The following IQCB1 variants were observed in gnomAD, a reference collection of about 807,000 sequenced individuals.
The protein encoded by IQCB1 is IQ calmodulin-binding motif-containing protein 1.
In IQCB1, 56 loss-of-function variants were observed where a neutral mutation model predicts 84.4. The ratio of observed to expected loss-of-function variants is 0.66; its 90% CI spans 0.54 to 0.83. The LOEUF is 0.83. Ranked by LOEUF, IQCB1 falls within the 40% of genes least tolerant of loss-of-function variation. The pLI is 0.00. For missense variants in IQCB1, 629 were observed against 682.1 expected, an observed-to-expected ratio of 0.92 and a Z score of 0.87; for synonymous variants, 210 against 234.8, an observed-to-expected ratio of 0.89 and a Z score of 0.96.
chr3:121,804,252 C>T (rs1455078618), intron 7 of IQCB1, among the ~76,000 whole-genome samples: 1 of 152,014 alleles, frequency 6.6e-6, no homozygotes, highest in Non-Finnish European at 1.5e-5. Flanking sequence ...ATACATTCTA[C>T]TTATACATAT....
intron 12 of IQCB1, among the ~76,000 whole-genome samples, chr3:121,784,556 T>C (rs1313001549): frequency 6.6e-6 from 1 of 152,254 alleles, no homozygotes; most frequent in Non-Finnish European, 1.5e-5. Context: ...TTGTATTCTA[T>C]CAAATAGTTT....
chr3:121,821,336 C>A (rs1950266913), intron 5 of IQCB1, among the ~76,000 whole-genome samples: 1 of 152,198 alleles, frequency 6.6e-6, no homozygotes, highest in South Asian at 2.1e-4. Flanking sequence ...TCAAAGATGT[C>A]ATACTTATTC....
At chr3:121,771,028 A>G (rs867012175) in intron 14 of IQCB1, among the ~76,000 whole-genome samples, 39 of 151,864 alleles carry the variant, frequency 2.6e-4, no homozygotes, top group Non-Finnish European at 4.4e-5. Context: ...CTGGAATGCC[A>G]TGGCACGATC....
At chr3:121,784,523 T>A (rs551351291) in intron 12 of IQCB1, among the ~76,000 whole-genome samples, 3 of 152,332 alleles carry the variant, frequency 2.0e-5, no homozygotes, top group East Asian at 3.8e-4. Context: ...ATTAAAAAAA[T>A]TTTTTCCTTA....
chr3:121,832,970 A>G (rs1165858290), intron 2 of IQCB1, among the ~76,000 whole-genome samples: 1 of 152,198 alleles, frequency 6.6e-6, no homozygotes, highest in African/African-American at 2.4e-5. Context: ...TACACAGGGT[A>G]TCTTTTTGGA....
At chr3:121,783,881 T>C (rs1020299196) in intron 12 of IQCB1, among the ~76,000 whole-genome samples, 21 of 152,214 alleles carry the variant, frequency 1.4e-4, no homozygotes, top group African/African-American at 4.8e-4. Flanking sequence ...TTTGGTTGGG[T>C]ATAGAATTCT....
At chr3:121,825,871 C>T (rs1329927183) in intron 5 of IQCB1, among the ~76,000 whole-genome samples, 180 bp downstream of exon 5, 1 of 152,202 alleles carries the variant, frequency 6.6e-6, no homozygotes, top group East Asian at 1.9e-4. Context: ...TGGCAAGCTT[C>T]AGTCAGCATT....
At position 121,801,087 on chromosome 3, in the gene IQCB1, C is replaced by T. The variant is rs573913509; in HGVS notation, c.588-1713G>A. On this transcript the variant is annotated intron_variant, in intron 7 of 14. Coordinates refer to ENST00000310864, the MANE Select transcript of IQCB1 (RefSeq NM_001023570.4). ...CTTTTTCATTTGTCTTTGTGGGCTC[C>T]ACTTCCCCAGTATAACCCTAAAAGG... 5.3e-5 allele frequency among the ~76,000 whole-genome samples: 8 copies of T among 152,044 alleles called. No individual in the cohort carries two copies. In the South Asian group the frequency reaches 1.7e-3, roughly 32 times the overall value.
chr3:121,776,881 T>C (rs942517583), intron 13 of IQCB1, among the ~76,000 whole-genome samples: 4 of 152,262 alleles, frequency 2.6e-5, no homozygotes, highest in Non-Finnish European at 4.4e-5. Flanking sequence ...GTTCTTTCTA[T>C]ATTATGGATA....
At chr3:121,776,845 T>C (rs1050492096) in intron 13 of IQCB1, among the ~76,000 whole-genome samples, 1 of 152,276 alleles carries the variant, frequency 6.6e-6, no homozygotes, top group Non-Finnish European at 1.5e-5. Context: ...CTAGTTCATA[T>C]GTTTTCTTAC....
chr3:121,809,259 A>G (rs1057353926), intron 5 of IQCB1, among the ~76,000 whole-genome samples: 14 of 151,986 alleles, frequency 9.2e-5, no homozygotes, highest in Non-Finnish European at 1.8e-4. Flanking sequence ...AAGGGCTACA[A>G]GTTGATACAC....
chr3:121,806,965 A>G (rs1284731763), intron 7 of IQCB1, among the ~76,000 whole-genome samples: 2 of 152,022 alleles, frequency 1.3e-5, no homozygotes, highest in Non-Finnish European at 2.9e-5. Context: ...GAAGTTTATT[A>G]AATAAATGTG....
intron 1 of IQCB1, among the ~76,000 whole-genome samples, 174 bp downstream of exon 1, chr3:121,834,792 C>T (rs1436674324): frequency 6.6e-6 from 1 of 152,202 alleles, no homozygotes; most frequent in East Asian, 1.9e-4. Context: ...ACTGCACCTC[C>T]CCAGGCCTCA....
intron 6 of IQCB1, among the ~76,000 whole-genome samples, chr3:121,807,720 C>T (rs1295873847): frequency 6.6e-6 from 1 of 151,892 alleles, no homozygotes; most frequent in Non-Finnish European, 1.5e-5. Context: ...AATATCATAT[C>T]CTAAATCTGA....
At chr3:121,772,799 T>C (rs1159798625) in intron 13 of IQCB1, 86 bp from the exon 14 acceptor site, 2 of 1,155,492 alleles carry the variant, frequency 1.7e-6, no homozygotes, top group African/African-American at 3.0e-5. Context: ...TTAGACTGCT[T>C]AGCTGTCTCT....
At chr3:121,792,995 A>G (rs1044543188) in intron 10 of IQCB1, among the ~76,000 whole-genome samples, 3 of 152,224 alleles carry the variant, frequency 2.0e-5, no homozygotes, top group Non-Finnish European at 2.9e-5. Context: ...AGTAAATTCC[A>G]TGATTTACAT....
chr3:121,828,405 A>T, intron 4 of IQCB1, 65 bp downstream of exon 4: 1 of 1,409,068 alleles, frequency 7.1e-7, no homozygotes, highest in Non-Finnish European at 1.0e-6. Context: ...ATAAAAAGCA[A>T]ATGTTGAAAA....
At chr3:121,792,907 A>G (rs1559768501) in intron 10 of IQCB1, among the ~76,000 whole-genome samples, 1 of 152,240 alleles carries the variant, frequency 6.6e-6, no homozygotes, top group African/African-American at 2.4e-5. Flanking sequence ...TGTAAGAATT[A>G]GTAGGCACTG....
intron 11 of IQCB1, 28 bp from the exon 12 acceptor site, chr3:121,788,460 C>A (rs764338421): frequency 3.8e-6 from 6 of 1,596,468 alleles, no homozygotes; most frequent in Non-Finnish European, 5.2e-6. Context: ...ACTATTACAA[C>A]ATACTCACTG....
Sources: allele counts gnomAD v4.1 joint callset (sites outside exome capture counted in the v4.1 genomes callset), GRCh38; gene constraint gnomAD v4.1.1; transcripts MANE v1.5; gene names NCBI Gene and HGNC (gene_info 2026-07-23, HGNC 2026-07-21).